The following CATSPERB variants were observed in gnomAD, a reference collection of about 807,000 sequenced individuals.
CATSPERB encodes cation channel sperm-associated auxiliary subunit beta.
CATSPERB carries 93 observed loss-of-function variants against 128.3 expected under a neutral mutation model. That is an observed-to-expected ratio of 0.72 (90% CI 0.61 to 0.86). The LOEUF (loss-of-function observed/expected upper bound fraction) is 0.86. Ranked by LOEUF, CATSPERB falls within the 40% of genes least tolerant of loss-of-function variation. The pLI, the probability that CATSPERB is intolerant of heterozygous loss-of-function variation, is 0.00. For missense variants in CATSPERB, 1,153 were observed against 1,329.5 expected (o/e 0.87, Z 2.06); for synonymous variants, 381 against 448.8 (o/e 0.85, Z 1.91).
intron 22 of CATSPERB, among the ~76,000 whole-genome samples, chr14:91,598,158 C>CT (rs1452136445): frequency 6.6e-6 from 1 of 151,434 alleles, no homozygotes; most frequent in Non-Finnish European, 1.5e-5. Context: ...AAAATTATTT[C>CT]TTTTTAAGCT....
intron 4 of CATSPERB, among the ~76,000 whole-genome samples, chr14:91,722,375 T>C (rs1896050251): frequency 6.6e-6 from 1 of 152,180 alleles, no homozygotes; most frequent in Admixed American, 6.5e-5. Context: ...AACTGAAACA[T>C]ATGCTAACTG....
At chr14:91,685,823 G>A (rs1377535535) in intron 10 of CATSPERB, among the ~76,000 whole-genome samples, 1 of 152,208 alleles carries the variant, frequency 6.6e-6, no homozygotes, top group African/African-American at 2.4e-5. Context: ...CAGGATGGCT[G>A]CAGTAGGGGC....
At chr14:91,668,811 A>G (rs981095089) in intron 14 of CATSPERB, among the ~76,000 whole-genome samples, 16 of 152,170 alleles carry the variant, frequency 1.1e-4, no homozygotes, top group African/African-American at 3.9e-4. Context: ...GAGACCACGC[A>G]CCCACCAGAA....
intron 7 of CATSPERB, among the ~76,000 whole-genome samples, chr14:91,702,783 A>G (rs1056789646): frequency 2.0e-5 from 3 of 151,878 alleles, no homozygotes; most frequent in African/African-American, 4.8e-5. Context: ...TTTGTAATAA[A>G]TTTATTTATA....
intron 20 of CATSPERB, among the ~76,000 whole-genome samples, chr14:91,616,472 T>TA (rs561919362): frequency 1.7e-4 from 25 of 151,128 alleles, no homozygotes; most frequent in African/African-American, 5.3e-4. Flanking sequence ...TGTCCACTGC[T>TA]AAAAAAAAAT....
intron 16 of CATSPERB, among the ~76,000 whole-genome samples, chr14:91,638,775 C>A (rs901972388): frequency 1.3e-5 from 2 of 152,110 alleles, no homozygotes; most frequent in Non-Finnish European, 2.9e-5. Context: ...ATCAATCCTA[C>A]CTTGGCCTGG....
At chr14:91,615,939 G>T (rs1481542897) in intron 20 of CATSPERB, among the ~76,000 whole-genome samples, 1 of 150,968 alleles carries the variant, frequency 6.6e-6, no homozygotes, top group South Asian at 2.1e-4. Context: ...GAGTGCAGTG[G>T]TGTGATCTCG....
chr14:91,694,192 C>G (rs1895519106), intron 7 of CATSPERB, among the ~76,000 whole-genome samples: 1 of 152,082 alleles, frequency 6.6e-6, no homozygotes, highest in South Asian at 2.1e-4. Context: ...CGCCTATAAT[C>G]CCAGCACTTT....
intron 11 of CATSPERB, among the ~76,000 whole-genome samples, chr14:91,674,931 C>T (rs1179398049): frequency 6.6e-6 from 1 of 152,214 alleles, no homozygotes; most frequent in Non-Finnish European, 1.5e-5. Context: ...CTTCTAAACT[C>T]CTCTCCCCAG....
rs910395334 is a variant in CATSPERB at position 91,678,055 on chromosome 14, C to A, written c.932-3833G>T. On this transcript the variant is annotated intron_variant, in intron 11 of 26. Transcript: ENST00000256343. ...GAACACATGGACACAGGGAAGGGAA[C>A]AACACACACCAGGGCCAGTTGGCAG... Among the ~76,000 whole-genome samples the A allele has an allele frequency of 7.2e-5, 11 of 152,232 alleles. No individual in the cohort carries two copies. The South Asian group carries it at 2.1e-3, about 29-fold the overall frequency.
rs116922055 is a variant in CATSPERB at position 91,600,036 on chromosome 14, G to A, written c.2710-8034C>T. Reference sequence around the variant, plus strand: ...TGTTTATCCATTCATCAGTTAATGCGCATCTGATTGTTTCCACTTTCTGGC... The same window carrying A: ...TGTTTATCCATTCATCAGTTAATGCACATCTGATTGTTTCCACTTTCTGGC... On this transcript the variant is annotated intron_variant, in intron 22 of 26. Transcript: ENST00000256343. Among the ~76,000 whole-genome samples the A allele has an allele frequency of 8.2e-3, 1,252 of 152,232 alleles. 12 individuals are homozygous for A. Among genetic ancestry groups the A allele is most frequent in the Non-Finnish European group, 0.011 (772 of 68,022 alleles).
intron 10 of CATSPERB, among the ~76,000 whole-genome samples, chr14:91,689,234 G>A (rs561117838): frequency 1.4e-4 from 22 of 152,258 alleles, no homozygotes; most frequent in African/African-American, 5.1e-4. Context: ...AGGATTTCGC[G>A]GAGCTCTGCC....
At chr14:91,670,991 C>T (rs1331265978) in intron 13 of CATSPERB, among the ~76,000 whole-genome samples, 1 of 151,852 alleles carries the variant, frequency 6.6e-6, no homozygotes, top group Admixed American at 6.6e-5. Flanking sequence ...TGACAGGGAC[C>T]CTGTCTCAAA....
intron 20 of CATSPERB, 127 bp from the exon 21 acceptor site, chr14:91,610,804 G>C: frequency 4.8e-6 from 4 of 827,758 alleles, no homozygotes; most frequent in Non-Finnish European, 7.5e-6. Flanking sequence ...TTTGGAGATA[G>C]GGCCTTTAAG....
rs1895705817 is a variant in CATSPERB, at chr14:91,704,591, C to A, written c.577G>T (p.Val193Leu). 3 of 1,613,772 alleles carry A rather than the reference C, an allele frequency of 1.9e-6. No individual in the cohort carries two copies. The highest frequency in any genetic ancestry group is 2.5e-6 in the Non-Finnish European group (3 of 1,179,802). Reference protein sequence around the residue: ...KVTKCPCANDVALLGFIVDTI... With the variant: ...KVTKCPCANDLALLGFIVDTI... ...TCCACAATGAAGCCTAGTAATGCCA[C>A]ATCATTGGCACAGGGGCATTTTGTC... The change falls in exon 7 of 27, where the codon GTG (valine) becomes TTG (leucine). Residue 193 changes from valine (V) to leucine (L), a missense_variant. Transcript: ENST00000256343.
At chr14:91,641,356 TTTTA>T (rs761644715) in intron 15 of CATSPERB, among the ~76,000 whole-genome samples, 4,082 of 148,838 alleles carry the variant, frequency 0.027, 113 homozygotes, top group South Asian at 0.11. Flanking sequence ...CTTCTAGGGT[TTTTA>T]TGGTTTTAGG....
intron 12 of CATSPERB, among the ~76,000 whole-genome samples, chr14:91,673,757 C>G (rs1191869954): frequency 6.6e-6 from 1 of 152,006 alleles, no homozygotes; most frequent in Non-Finnish European, 1.5e-5. Flanking sequence ...GTGGAGCGTG[C>G]CTGTAGTCCC....
chr14:91,591,779 CATA>C, intron 23 of CATSPERB, 110 bp downstream of exon 23: 1 of 731,598 alleles, frequency 1.4e-6, no homozygotes, highest in Non-Finnish European at 2.4e-6. Context: ...AGCTCTGCAT[CATA>C]ATAAGACATT....
At chr14:91,716,712 TACACACACAC>T (rs34934524) in intron 5 of CATSPERB, among the ~76,000 whole-genome samples, 19 of 137,624 alleles carry the variant, frequency 1.4e-4, no homozygotes, top group Admixed American at 9.4e-4. Context: ...TTTACAAGCA[TACACACACAC>T]ACACACACAC....
Sources: gnomAD v4.1 joint callset for allele counts (sites outside exome capture counted in the v4.1 genomes callset) on GRCh38, gnomAD v4.1.1 for gene constraint, MANE v1.5 for transcripts, NCBI Gene and HGNC (gene_info 2026-07-23, HGNC 2026-07-21) for gene names.